The following OPCML variants were observed in gnomAD, a reference collection of about 807,000 sequenced individuals.
OPCML encodes opioid-binding protein/cell adhesion molecule.
Under a neutral mutation model 37.8 loss-of-function variants are expected in OPCML, and 13 were observed. The ratio of observed to expected loss-of-function variants is 0.34; its 90% CI spans 0.22 to 0.55. The LOEUF (loss-of-function observed/expected upper bound fraction) is 0.55, where lower values mean the gene tolerates loss of function less well. Ranked by LOEUF, OPCML falls within the 20% of genes least tolerant of loss-of-function variation. The pLI, the probability that OPCML is intolerant of heterozygous loss-of-function variation, is 0.91. For synonymous variants in OPCML, 176 were observed against 168.8 expected (o/e 1.04, Z -0.33); for missense variants, 341 against 435.6 (o/e 0.78, Z 1.93).
chr11:132,612,594 T>G (rs1259257864), intron 3 of OPCML, among the ~76,000 whole-genome samples: 1 of 151,990 alleles, frequency 6.6e-6, no homozygotes, highest in Admixed American at 6.6e-5. Flanking sequence ...GGCAAGGACA[T>G]AAGACAAATG....
chr11:132,448,017 G>A (rs2096059824), intron 4 of OPCML, among the ~76,000 whole-genome samples: 1 of 152,174 alleles, frequency 6.6e-6, no homozygotes, highest in South Asian at 2.1e-4. Context: ...AGGGCTCAAG[G>A]GCTCTTGGCT....
At chr11:132,987,871 C>G (rs1396636344) in intron 1 of OPCML, among the ~76,000 whole-genome samples, 3 of 152,140 alleles carry the variant, frequency 2.0e-5, no homozygotes, top group African/African-American at 7.2e-5. Context: ...ATAGTCCACT[C>G]AGAGGGTTAT....
At chr11:133,395,723 A>G (rs545068614) in intron 1 of OPCML, among the ~76,000 whole-genome samples, 13 of 152,104 alleles carry the variant, frequency 8.5e-5, no homozygotes, top group Non-Finnish European at 1.6e-4. Flanking sequence ...TGGGTTCTTT[A>G]TTCTGTTCCA....
At chr11:133,044,132 G>A (rs1481511403) in intron 1 of OPCML, among the ~76,000 whole-genome samples, 5 of 152,184 alleles carry the variant, frequency 3.3e-5, no homozygotes, top group African/African-American at 1.2e-4. Context: ...AAGTCAGAAA[G>A]ATCAGTAGGA....
At chr11:133,200,370 T>TG in intron 1 of OPCML, among the ~76,000 whole-genome samples, 1 of 152,374 alleles carries the variant, frequency 6.6e-6, no homozygotes, top group Admixed American at 6.5e-5. Flanking sequence ...TTTTTGTCAT[T>TG]GTTTTTCCCT....
chr11:133,011,546 A>G (rs1386136331), intron 1 of OPCML, among the ~76,000 whole-genome samples: 1 of 152,172 alleles, frequency 6.6e-6, no homozygotes, highest in Non-Finnish European at 1.5e-5. Context: ...CAATTTAAGG[A>G]AAAACTTTCT....
chr11:132,791,007 T>C (rs546334663), intron 2 of OPCML, among the ~76,000 whole-genome samples: 44 of 152,240 alleles, frequency 2.9e-4, no homozygotes, highest in African/African-American at 9.1e-4. Context: ...ATCAGTCATG[T>C]CTCCTTGTGT....
intron 2 of OPCML, among the ~76,000 whole-genome samples, chr11:132,813,478 A>G (rs1207654973): frequency 1.3e-5 from 2 of 152,186 alleles, no homozygotes; most frequent in Non-Finnish European, 2.9e-5. Flanking sequence ...GATGGACACT[A>G]CCAATGCAAG....
intron 3 of OPCML, among the ~76,000 whole-genome samples, chr11:132,546,911 A>G (rs1007314670): frequency 8.5e-5 from 13 of 152,184 alleles, no homozygotes; most frequent in Admixed American, 3.3e-4. Context: ...CACATTAGGG[A>G]AAGGAAAGCC....
At chr11:132,977,582 T>C (rs1328184499) in intron 1 of OPCML, among the ~76,000 whole-genome samples, 2 of 152,210 alleles carry the variant, frequency 1.3e-5, no homozygotes, top group South Asian at 4.1e-4. Flanking sequence ...AAATACACTT[T>C]GGCAGAACCC....
At chr11:132,806,545 C>T (rs919900769) in intron 2 of OPCML, among the ~76,000 whole-genome samples, 7 of 152,018 alleles carry the variant, frequency 4.6e-5, no homozygotes, top group Non-Finnish European at 8.8e-5. Context: ...AGCAAATTAC[C>T]CACAAGGCAT....
intron 2 of OPCML, among the ~76,000 whole-genome samples, chr11:132,770,418 G>A (rs2136121303): frequency 6.6e-6 from 1 of 152,098 alleles, no homozygotes; most frequent in African/African-American, 2.4e-5. Context: ...CGGAGGGAGG[G>A]AAAAAGCAAG....
At chr11:132,609,002 A>G (rs866144835) in intron 3 of OPCML, among the ~76,000 whole-genome samples, 4 of 151,984 alleles carry the variant, frequency 2.6e-5, no homozygotes, top group African/African-American at 9.7e-5. Flanking sequence ...CAGGCTTCCA[A>G]CTGGTCTCTC....
intron 3 of OPCML, among the ~76,000 whole-genome samples, chr11:132,539,153 A>G (rs2096348959): frequency 6.6e-6 from 1 of 152,180 alleles, no homozygotes; most frequent in South Asian, 2.1e-4. Flanking sequence ...TATAGAGGAG[A>G]ACACTGACGC....
At chr11:132,709,312 G>T (rs1450547466) in intron 2 of OPCML, among the ~76,000 whole-genome samples, 1 of 152,124 alleles carries the variant, frequency 6.6e-6, no homozygotes, top group Admixed American at 6.5e-5. Context: ...TAGAAGAGTT[G>T]CAACGATAAT....
chr11:133,057,655 T>C (rs775706527), intron 1 of OPCML, among the ~76,000 whole-genome samples: 1 of 152,148 alleles, frequency 6.6e-6, no homozygotes, highest in Non-Finnish European at 1.5e-5. Context: ...TGCCCTTTTT[T>C]CAAAGGACAG....
At chr11:132,752,039 G>T (rs1279979450) in intron 2 of OPCML, among the ~76,000 whole-genome samples, 1 of 152,102 alleles carries the variant, frequency 6.6e-6, no homozygotes, top group African/African-American at 2.4e-5. Context: ...CGATACTACA[G>T]AACAATGCTT....
intron 1 of OPCML, among the ~76,000 whole-genome samples, chr11:132,945,519 TG>T (rs1173157342): frequency 6.6e-6 from 1 of 151,696 alleles, no homozygotes; most frequent in East Asian, 1.9e-4. Flanking sequence ...AGTGAGCGGG[TG>T]GGGAATGGAG....
At chr11:132,999,571 G>A (rs1422869876) in intron 1 of OPCML, among the ~76,000 whole-genome samples, 2 of 141,108 alleles carry the variant, frequency 1.4e-5, no homozygotes, top group African/African-American at 2.5e-5. Flanking sequence ...AATGGGGTCG[G>A]GGGGGGAATG....
Sources: gnomAD v4.1 joint callset for allele counts (sites outside exome capture counted in the v4.1 genomes callset) on GRCh38, gnomAD v4.1.1 for gene constraint, MANE v1.5 for transcripts, NCBI Gene and HGNC (gene_info 2026-07-23, HGNC 2026-07-21) for gene names.